The following LRMDA variants were observed in gnomAD, a reference collection of about 807,000 sequenced individuals.
LRMDA encodes leucine rich melanocyte differentiation associated.
Under a neutral mutation model 29.8 loss-of-function variants are expected in LRMDA, and 18 were observed. The observed-to-expected ratio is 0.60, with a 90% CI of 0.42 to 0.90. The LOEUF is 0.90. LRMDA is among the 40% of genes least tolerant of loss of function. The probability of loss-of-function intolerance (pLI) is 0.00; values close to 1 mark genes in which losing one functional copy is unlikely to be tolerated. For missense variants in LRMDA, 273 were observed against 273.9 expected, an observed-to-expected ratio of 1.00 and a Z score of 0.02; for synonymous variants, 125 against 109.4, an observed-to-expected ratio of 1.14 and a Z score of -0.89.
At chr10:76,468,536 A>G (rs1027725875) in intron 6 of LRMDA, among the ~76,000 whole-genome samples, 3 of 152,224 alleles carry the variant, frequency 2.0e-5, no homozygotes, top group East Asian at 3.8e-4. Context: ...TAAACCTTGC[A>G]TAGAACAGGA....
At chr10:75,566,246 TCTC>T (rs927518139) in intron 2 of LRMDA, among the ~76,000 whole-genome samples, 1 of 152,234 alleles carries the variant, frequency 6.6e-6, no homozygotes, top group Non-Finnish European at 1.5e-5. Context: ...GCTCGTTCCT[TCTC>T]CTCTTCTCCT....
At chr10:76,123,359 AT>A (rs1849823713) in intron 5 of LRMDA, among the ~76,000 whole-genome samples, 1 of 135,968 alleles carries the variant, frequency 7.4e-6, no homozygotes, top group Admixed American at 7.5e-5. Flanking sequence ...AAAAAAAAAA[AT>A]TAGCCAGGTA....
chr10:75,439,351 C>G (rs1489528327), intron 2 of LRMDA, among the ~76,000 whole-genome samples: 1 of 152,124 alleles, frequency 6.6e-6, no homozygotes, highest in Non-Finnish European at 1.5e-5. Context: ...ACAGACTGTC[C>G]TGGGGTCAAA....
rs546748563 is a variant in LRMDA at position 75,664,901 on chromosome 10, A to C, written c.131+226407A>C. Among the ~76,000 whole-genome samples, 32 of 152,286 alleles carry C rather than the reference A, an allele frequency of 2.1e-4. No homozygotes were observed. The East Asian group carries it at 2.3e-3, about 11-fold the overall frequency. ...TGTGATAAAGGAACCACTAGAAGAG[A>C]AAGTAAGGAAATGGAGAAGCCAGAC... is the stretch of plus-strand genomic sequence containing the variant. On this transcript the variant is annotated intron_variant, in intron 2 of 6. Transcript: ENST00000611255.
intron 2 of LRMDA, among the ~76,000 whole-genome samples, chr10:76,023,877 A>G (rs1263435790): frequency 1.3e-5 from 2 of 152,248 alleles, no homozygotes; most frequent in African/African-American, 2.4e-5. Context: ...TTTATTTTTC[A>G]AAAACAATCT....
At chr10:75,765,314 G>A (rs1169713034) in intron 2 of LRMDA, among the ~76,000 whole-genome samples, 1 of 151,972 alleles carries the variant, frequency 6.6e-6, no homozygotes, top group Non-Finnish European at 1.5e-5. Context: ...TGTTTTGTGT[G>A]GAGTTAACTG....
In LRMDA at chr10:75,943,177, A is replaced by C. The variant is rs552766163; in HGVS notation, c.132-92831A>C. On this transcript the variant is annotated intron_variant, in intron 2 of 6. Transcript: ENST00000611255. The stretch of plus-strand genomic sequence containing the variant: ...TGATGTTTTCAGCAAAAAAAAAAAA[A>C]AAAGGACTATGAGATAGAATCTTCC... Among the ~76,000 whole-genome samples the C allele has an allele frequency of 5.3e-5, 8 of 152,204 alleles. No individual in the cohort carries two copies. In the South Asian group the frequency reaches 1.7e-3, roughly 32 times the overall value.
At chr10:75,692,430 T>TAG (rs1487893305) in intron 2 of LRMDA, among the ~76,000 whole-genome samples, 1 of 148,234 alleles carries the variant, frequency 6.7e-6, no homozygotes, top group African/African-American at 2.5e-5. Context: ...CATATATATA[T>TAG]ACACACATAC....
Position 75,806,999 on chromosome 10 carries a change from G to A in LRMDA, c.132-229009G>A, listed in dbSNP as rs538726715. 1.5e-4 allele frequency among the ~76,000 whole-genome samples: 23 copies of A among 152,208 alleles called. No individual in the cohort carries two copies. The South Asian group carries it at 4.6e-3, about 30-fold the overall frequency. On this transcript the variant is annotated intron_variant, in intron 2 of 6. Transcript: ENST00000611255. ...TAAATTTCAGGGTAGCATAAGAATT[G>A]CTCTGGTTACGTTGATATATAATTT...
At chr10:75,730,890 C>T (rs1055581753) in intron 2 of LRMDA, among the ~76,000 whole-genome samples, 1 of 151,844 alleles carries the variant, frequency 6.6e-6, no homozygotes, top group African/African-American at 2.4e-5. Context: ...AAGGCTAAGC[C>T]CACCTTTGCT....
chr10:75,621,214 A>AC (rs1223110844), intron 2 of LRMDA, among the ~76,000 whole-genome samples: 1 of 127,360 alleles, frequency 7.9e-6, no homozygotes, highest in Non-Finnish European at 1.8e-5. Context: ...ACACACACAC[A>AC]CACACACACA....
intron 2 of LRMDA, among the ~76,000 whole-genome samples, chr10:75,484,686 A>G (rs114341231): frequency 0.011 from 1,647 of 152,314 alleles, 34 homozygotes; most frequent in African/African-American, 0.038. Context: ...CAATAGGACT[A>G]GTGTCCTTAT....
chr10:76,033,064 TA>T (rs201942097), intron 2 of LRMDA, among the ~76,000 whole-genome samples: 27 of 149,080 alleles, frequency 1.8e-4, no homozygotes, highest in East Asian at 7.9e-4. Flanking sequence ...AAAATAACAG[TA>T]AAAAAAAAAT....
chr10:76,402,819 TC>T (rs1166040449), intron 6 of LRMDA, among the ~76,000 whole-genome samples: 3 of 152,206 alleles, frequency 2.0e-5, no homozygotes, highest in Non-Finnish European at 2.9e-5. Context: ...AATTCCTTTT[TC>T]TTTGTCAACA....
rs76831624 is a variant in LRMDA, at chr10:76,355,781, G to T, written c.601+31296G>T. 5.6e-4 allele frequency among the ~76,000 whole-genome samples: 86 copies of T among 152,296 alleles called. No individual in the cohort carries two copies. In the East Asian group the frequency reaches 0.012, roughly 21 times the overall value. ...CATGCCGATTGTGAAAGAAAGGGAC[G>T]TTGAATTAGCATTGAATGTGGGCCC... On this transcript the variant is annotated intron_variant, in intron 6 of 6. Coordinates refer to ENST00000611255, the MANE Select transcript of LRMDA (RefSeq NM_001305581.2).
chr10:76,048,955 C>G (rs764107229), intron 4 of LRMDA, among the ~76,000 whole-genome samples: 4 of 152,098 alleles, frequency 2.6e-5, no homozygotes, highest in African/African-American at 7.2e-5. Flanking sequence ...TTGAAACCAC[C>G]TTTCCTTCTC....
Position 75,919,187 on chromosome 10 carries a change from G to T in LRMDA, c.132-116821G>T, listed in dbSNP as rs574159155. On this transcript the variant is annotated intron_variant, in intron 2 of 6. Transcript: ENST00000611255. The stretch of plus-strand genomic sequence containing the variant: ...CAAAGCCGGGATGCGAAGCTGGGCA[G>T]CCTGGCCTCTGATTCCTGGCTCTGA... Among the ~76,000 whole-genome samples, 4 of 152,306 alleles carry T rather than the reference G, an allele frequency of 2.6e-5. No homozygotes were observed. The East Asian group carries it at 5.8e-4, about 22-fold the overall frequency.
chr10:75,712,769 G>T (rs762113078), intron 2 of LRMDA, among the ~76,000 whole-genome samples: 2 of 152,054 alleles, frequency 1.3e-5, no homozygotes, highest in Non-Finnish European at 2.9e-5. Flanking sequence ...TTCCAGCCAG[G>T]GTCTGCCAGG....
chr10:76,420,933 G>A (rs562481799), intron 6 of LRMDA, among the ~76,000 whole-genome samples: 2 of 152,016 alleles, frequency 1.3e-5, no homozygotes, highest in Non-Finnish European at 2.9e-5. Flanking sequence ...TTTATAGCCT[G>A]GAATATGTTT....
Sources: allele counts gnomAD v4.1 joint callset (sites outside exome capture counted in the v4.1 genomes callset), GRCh38; gene constraint gnomAD v4.1.1; transcripts MANE v1.5; gene names NCBI Gene and HGNC (gene_info 2026-07-23, HGNC 2026-07-21).